Variants in CCNY observed in about 807,000 individuals in gnomAD.
CCNY encodes cyclin Y.
Under a neutral mutation model 42.8 loss-of-function variants are expected in CCNY, and 19 were observed. The ratio of observed to expected loss-of-function variants is 0.44; its 90% CI spans 0.31 to 0.65. The LOEUF (loss-of-function observed/expected upper bound fraction) is 0.65, where lower values mean the gene tolerates loss of function less well. Ranked by LOEUF, CCNY falls within the 30% of genes least tolerant of loss-of-function variation. The pLI is 0.07. For synonymous variants in CCNY, 165 were observed against 162.7 expected, an observed-to-expected ratio of 1.01 and a Z score of -0.11; for missense variants, 370 against 437.3, an observed-to-expected ratio of 0.85 and a Z score of 1.37.
chr10:35,389,594 C>G (rs1837370194), intron 1 of CCNY, among the ~76,000 whole-genome samples: 1 of 152,036 alleles, frequency 6.6e-6, no homozygotes, highest in African/African-American at 2.4e-5. Context: ...CGCCTGCCAC[C>G]ATGCCCAGCT....
At chr10:35,485,724 C>CAAAAA (rs60570748) in intron 2 of CCNY, among the ~76,000 whole-genome samples, 2 of 97,778 alleles carry the variant, frequency 2.0e-5, no homozygotes, top group African/African-American at 7.3e-5. Context: ...GACTCCGTCT[C>CAAAAA]AAAAAAAAAA....
At chr10:35,315,169 G>A (rs1444603589) in intron 3 of CCNY, 1 of 152,182 alleles carries the variant, frequency 6.6e-6, no homozygotes, top group Non-Finnish European at 1.5e-5. Context: ...GTAAACTTCT[G>A]TCATGAGGGT....
At chr10:35,413,045 G>A (rs1837948088) in intron 1 of CCNY, among the ~76,000 whole-genome samples, 1 of 151,954 alleles carries the variant, frequency 6.6e-6, no homozygotes. Context: ...TGAATGAATG[G>A]TGAGTTTAGT....
chr10:35,416,540 C>T (rs1035302742), intron 1 of CCNY, among the ~76,000 whole-genome samples: 4 of 152,106 alleles, frequency 2.6e-5, no homozygotes, highest in Admixed American at 6.5e-5. Flanking sequence ...AGCACCATGA[C>T]GTATAATTAC....
rs755136800 is a variant in CCNY, at chr10:35,530,035, TCTC to T, written c.459+10_459+12del. 1.1e-5 allele frequency: 17 copies of T among 1,613,934 alleles called. No homozygotes were observed. In the Admixed American group the frequency reaches 2.2e-4, roughly 21 times the overall value. ...GAAAATCTTCACCCTCTTTCGGTAA[TCTC>T]CTCCGTGTGTTTCATGAGATGATTT... On this transcript the variant is annotated splice_donor_region_variant and intron_variant, in intron 6 of 9. Coordinates refer to ENST00000374704, the MANE Select transcript of CCNY (RefSeq NM_145012.6). This position sits in a 1 kb window ranked among gnomAD's most constrained non-coding sequence, Gnocchi z 4.3.
chr10:35,451,604 A>C (rs1489565182), intron 1 of CCNY, among the ~76,000 whole-genome samples: 1 of 152,174 alleles, frequency 6.6e-6, no homozygotes, highest in Non-Finnish European at 1.5e-5. Context: ...TCTGTATGGC[A>C]CTAGACAGAG....
At chr10:35,498,749 A>T (rs1436280602) in intron 2 of CCNY, among the ~76,000 whole-genome samples, 3 of 152,154 alleles carry the variant, frequency 2.0e-5, no homozygotes, top group Non-Finnish European at 2.9e-5. Flanking sequence ...ATGTGTGGAA[A>T]ATCTTCTCAG....
intron 1 of CCNY, among the ~76,000 whole-genome samples, chr10:35,478,226 C>T (rs1333563727): frequency 8.3e-5 from 12 of 144,468 alleles, no homozygotes; most frequent in Non-Finnish European, 1.1e-4. Context: ...AGGTAATTTA[C>T]AGATTCAATG....
intron 1 of CCNY, among the ~76,000 whole-genome samples, chr10:35,247,725 A>G (rs918377838): frequency 9.9e-5 from 15 of 151,638 alleles, no homozygotes; most frequent in African/African-American, 3.6e-4. Context: ...AAATACAAAA[A>G]ATTAGCTGGG....
chr10:35,470,444 G>GA (rs1234497336), intron 1 of CCNY, among the ~76,000 whole-genome samples: 1 of 152,204 alleles, frequency 6.6e-6, no homozygotes, highest in East Asian at 1.9e-4. Context: ...CACTTGCGGA[G>GA]AGACTGCCCT....
intron 1 of CCNY, among the ~76,000 whole-genome samples, chr10:35,341,983 G>C (rs1836191721): frequency 6.6e-6 from 1 of 152,090 alleles, no homozygotes; most frequent in Admixed American, 6.5e-5. Flanking sequence ...AAAAATACTA[G>C]ATGAACATCT....
chr10:35,350,957 T>C (rs746082039), intron 1 of CCNY, among the ~76,000 whole-genome samples: 10 of 152,210 alleles, frequency 6.6e-5, no homozygotes. Context: ...AGAAAGTATG[T>C]TTATAAATAT....
intron 1 of CCNY, among the ~76,000 whole-genome samples, chr10:35,380,374 GGA>G (rs1475156233): frequency 1.4e-4 from 21 of 152,106 alleles, no homozygotes; most frequent in Admixed American, 2.6e-4. Flanking sequence ...TTTCCACCTG[GGA>G]ATCCTATCCT....
intron 1 of CCNY, among the ~76,000 whole-genome samples, chr10:35,387,811 A>G (rs947726431): frequency 1.3e-5 from 2 of 152,230 alleles, no homozygotes; most frequent in African/African-American, 4.8e-5. Flanking sequence ...TCCACGTAAG[A>G]ATATTTAAAG....
At chr10:35,441,239 G>A (rs1475919520) in intron 1 of CCNY, among the ~76,000 whole-genome samples, 5 of 152,296 alleles carry the variant, frequency 3.3e-5, no homozygotes, top group Admixed American at 1.3e-4. Context: ...GAACAAGTTG[G>A]CCTTTAAACT....
In CCNY at chr10:35,480,673, C is replaced by G. The variant is rs1589149456; in HGVS notation, c.155-2731C>G. ...GTTTTTAAACAAAAGTTAAAAAAAG[C>G]AAACCAATAGGCTGGGCACAGTGAC... On this transcript the variant is annotated intron_variant, in intron 1 of 9. Coordinates refer to ENST00000374704, the MANE Select transcript of CCNY (RefSeq NM_145012.6). Among the ~76,000 whole-genome samples, 3 of 152,144 alleles carry G rather than the reference C, an allele frequency of 2.0e-5. No individual in the cohort carries two copies. In the East Asian group the frequency reaches 5.8e-4, roughly 29 times the overall value.
intron 1 of CCNY, among the ~76,000 whole-genome samples, chr10:35,442,162 A>G (rs747683553): frequency 6.6e-6 from 1 of 152,206 alleles, no homozygotes; most frequent in Non-Finnish European, 1.5e-5. Flanking sequence ...GAGTGTTGCC[A>G]TAACTCCTGA....
intron 1 of CCNY, among the ~76,000 whole-genome samples, chr10:35,345,328 G>C (rs1470264850): frequency 6.6e-6 from 1 of 152,132 alleles, no homozygotes; most frequent in Non-Finnish European, 1.5e-5. Flanking sequence ...AATTAGCTGG[G>C]TGTGGTGGCG....
At chr10:35,500,340 T>C (rs1840085939) in intron 2 of CCNY, among the ~76,000 whole-genome samples, 2 of 152,268 alleles carry the variant, frequency 1.3e-5, no homozygotes, top group Admixed American at 6.5e-5. Flanking sequence ...GCAGCATTCA[T>C]TCCAGAGAGG....
Sources: gnomAD v4.1 joint callset for allele counts (sites outside exome capture counted in the v4.1 genomes callset) on GRCh38, gnomAD v4.1.1 for gene constraint, Gnocchi (gnomAD v3.1) non-coding constraint, MANE v1.5 for transcripts, NCBI Gene and HGNC (gene_info 2026-07-23, HGNC 2026-07-21) for gene names.